PACRG: variants seen among roughly 807,000 people sequenced by gnomAD.
PACRG encodes parkin coregulated.
A neutral mutation model predicts 29.7 loss-of-function variants in PACRG; 29 were observed. The ratio of observed to expected loss-of-function variants is 0.98; its 90% confidence interval spans 0.73 to 1.33. The LOEUF is 1.33. Among genes scored for constraint, PACRG ranks in the 40% most tolerant of loss-of-function variants. The pLI is 0.00. For synonymous variants in PACRG, 116 were observed against 118.7 expected (o/e 0.98, Z 0.15); for missense variants, 279 against 316.2 (o/e 0.88, Z 0.89).
chr6:163,118,478 A>G (rs986963929), intron 4 of PACRG, among the ~76,000 whole-genome samples: 2 of 152,178 alleles, frequency 1.3e-5, no homozygotes, highest in Non-Finnish European at 2.9e-5. Flanking sequence ...TTTTTAAGCA[A>G]AGTTACTGCA....
intron 4 of PACRG, among the ~76,000 whole-genome samples, chr6:163,094,355 T>C (rs1814380218): frequency 6.6e-6 from 1 of 152,236 alleles, no homozygotes; most frequent in South Asian, 2.1e-4. Context: ...ATTTGAACCA[T>C]GAGATTATCC....
At chr6:162,847,751 A>C (rs951207262) in intron 2 of PACRG, among the ~76,000 whole-genome samples, 1 of 152,086 alleles carries the variant, frequency 6.6e-6, no homozygotes, top group Non-Finnish European at 1.5e-5. Flanking sequence ...TGCAAGATTC[A>C]CAGTAGTTCT....
At chr6:163,268,964 G>C (rs894428273) in intron 4 of PACRG, among the ~76,000 whole-genome samples, 3 of 152,104 alleles carry the variant, frequency 2.0e-5, no homozygotes, top group African/African-American at 4.8e-5. Context: ...TCTATAACAG[G>C]CTTCTCATCT....
At chr6:162,817,959 A>C (rs1787501526) in intron 2 of PACRG, among the ~76,000 whole-genome samples, 1 of 152,164 alleles carries the variant, frequency 6.6e-6, no homozygotes. Context: ...ATGAGCTATG[A>C]AAGTTGAATA....
intron 4 of PACRG, among the ~76,000 whole-genome samples, chr6:163,266,921 AG>A (rs530062426): frequency 3.3e-5 from 5 of 152,184 alleles, no homozygotes; most frequent in Non-Finnish European, 7.3e-5. Context: ...CCAAATGTAT[AG>A]TGAGCCCCTC....
chr6:163,196,948 T>G (rs1348006786), intron 4 of PACRG, among the ~76,000 whole-genome samples: 2 of 151,362 alleles, frequency 1.3e-5, no homozygotes, highest in African/African-American at 4.9e-5. Flanking sequence ...GATAGATAGA[T>G]AGATAGATAG....
At chr6:163,309,640 G>T (rs11753570) in intron 4 of PACRG, among the ~76,000 whole-genome samples, 12,873 of 152,240 alleles carry the variant, frequency 0.085, 645 homozygotes, top group South Asian at 0.12. Context: ...CACTCAGGTG[G>T]TTTTTAATGG....
chr6:163,150,833 T>C (rs540980784), intron 4 of PACRG, among the ~76,000 whole-genome samples: 1 of 152,334 alleles, frequency 6.6e-6, no homozygotes, highest in Admixed American at 6.5e-5. Flanking sequence ...CTGGCTAAAT[T>C]TAAATTTTTG....
chr6:163,005,822 T>TTA (rs1288758646), intron 2 of PACRG, among the ~76,000 whole-genome samples: 1 of 148,638 alleles, frequency 6.7e-6, no homozygotes, highest in Non-Finnish European at 1.5e-5. Context: ...GTTATACGTG[T>TTA]TATATATATA....
chr6:163,069,318 A>G (rs1811838526), intron 3 of PACRG, among the ~76,000 whole-genome samples: 1 of 151,352 alleles, frequency 6.6e-6, no homozygotes, highest in Non-Finnish European at 1.5e-5. Context: ...GTTAGTTACC[A>G]GGTACCAATC....
At chr6:163,191,569 C>T in intron 4 of PACRG, 1 of 447,026 alleles carries the variant, frequency 2.2e-6, no homozygotes, top group South Asian at 1.6e-5. Flanking sequence ...GCTCAAGGAT[C>T]TTGAGTGTAT....
At chr6:162,744,868 A>G (rs1469413781) in intron 1 of PACRG, among the ~76,000 whole-genome samples, 1 of 152,170 alleles carries the variant, frequency 6.6e-6, no homozygotes, top group Non-Finnish European at 1.5e-5. Context: ...TCAGAAAACA[A>G]TGGAGAAAAT....
chr6:163,023,728 A>T (rs2128222385), intron 2 of PACRG, among the ~76,000 whole-genome samples: 1 of 152,234 alleles, frequency 6.6e-6, no homozygotes, highest in South Asian at 2.1e-4. Context: ...CTGCAGCCTC[A>T]CCAGGATCTG....
At chr6:163,288,422 G>A (rs1784470495) in intron 4 of PACRG, among the ~76,000 whole-genome samples, 1 of 152,118 alleles carries the variant, frequency 6.6e-6, no homozygotes, top group East Asian at 1.9e-4. Flanking sequence ...ACAGTTTCTT[G>A]GCCTTGATTT....
intron 1 of PACRG, among the ~76,000 whole-genome samples, chr6:162,764,569 A>G (rs1367134675): frequency 1.3e-5 from 2 of 152,072 alleles, no homozygotes; most frequent in African/African-American, 4.8e-5. Flanking sequence ...GAGATAGAAG[A>G]TATAATTTCT....
chr6:163,010,645 A>G (rs1485097058), intron 2 of PACRG, among the ~76,000 whole-genome samples: 1 of 152,146 alleles, frequency 6.6e-6, no homozygotes, highest in Admixed American at 6.6e-5. Context: ...GCTATGTTTT[A>G]TCTTCCAAGT....
intron 4 of PACRG, among the ~76,000 whole-genome samples, chr6:163,206,257 C>A (rs1585331631): frequency 6.6e-6 from 1 of 152,192 alleles, no homozygotes; most frequent in Non-Finnish European, 1.5e-5. Context: ...AAGACACGTG[C>A]ACGTGTATAT....
chr6:162,823,323 C>T (rs1176230226), intron 2 of PACRG, among the ~76,000 whole-genome samples: 1 of 152,138 alleles, frequency 6.6e-6, no homozygotes, highest in Non-Finnish European at 1.5e-5. Flanking sequence ...GAAACTTTCT[C>T]AACTGAGGAA....
At chr6:162,814,392 A>T in intron 2 of PACRG, 111 bp downstream of exon 2, 1 of 1,361,804 alleles carries the variant, frequency 7.3e-7, no homozygotes, top group African/African-American at 1.5e-5. Flanking sequence ...TTCTCAGCAC[A>T]TGGAAGATGG....
Sources: allele counts gnomAD v4.1 joint callset (sites outside exome capture counted in the v4.1 genomes callset), GRCh38; gene constraint gnomAD v4.1.1; transcripts MANE v1.5; gene names NCBI Gene and HGNC (gene_info 2026-07-23, HGNC 2026-07-21).